The following TBX4 variants were observed in gnomAD, a reference collection of about 807,000 sequenced individuals.
TBX4 encodes T-box transcription factor 4.
TBX4 carries 13 observed loss-of-function variants against 54.6 expected under a neutral mutation model. The observed-to-expected ratio is 0.24, with a 90% CI of 0.15 to 0.38. The LOEUF is 0.38. Ranked by LOEUF, TBX4 falls within the 10% of genes least tolerant of loss-of-function variation. The pLI is 1.00. For missense variants in TBX4, 631 were observed against 728.5 expected, an observed-to-expected ratio of 0.87 and a Z score of 1.54; for synonymous variants, 314 against 306.7, an observed-to-expected ratio of 1.02 and a Z score of -0.25.
intron 5 of TBX4, among the ~76,000 whole-genome samples, chr17:61,473,250 C>G (rs976529637): frequency 2.6e-5 from 4 of 152,202 alleles, no homozygotes; most frequent in African/African-American, 9.7e-5. Flanking sequence ...ATAAATGCAG[C>G]CTTTCTTTCA....
At position 61,482,584 on chromosome 17, in the gene TBX4, C is replaced by T. The variant is rs371899164; in HGVS notation, c.1022-313C>T. On this transcript the variant is annotated intron_variant, in intron 8 of 8. Coordinates refer to ENST00000644296, the MANE Select transcript of TBX4 (RefSeq NM_001321120.2). ...CTAGCCTGAGAATGCCACTGCACAT[C>T]AGGGCCTCTCACTCTGCAAGAGTCA... 1.1e-4 allele frequency among the ~76,000 whole-genome samples: 17 copies of T among 152,204 alleles called. No individual in the cohort carries two copies. The East Asian group carries it at 2.1e-3, about 19-fold the overall frequency.
chr17:61,471,916 T>A (rs915617088), intron 5 of TBX4, among the ~76,000 whole-genome samples: 51 of 146,808 alleles, frequency 3.5e-4, no homozygotes, highest in Admixed American at 1.4e-3. Context: ...TTTTTTTTTT[T>A]TTTTTTTAGT....
chr17:61,462,648 C>A lies in TBX4; in HGVS notation c.282-3171C>A, dbSNP rs2060504882. Among the ~76,000 whole-genome samples, 1 of 152,204 alleles carries A rather than the reference C, an allele frequency of 6.6e-6. No homozygotes were observed. The highest frequency in any genetic ancestry group is 1.5e-5 in the Non-Finnish European group (1 of 68,032). On this transcript the variant is annotated intron_variant, in intron 3 of 8. Transcript: ENST00000644296. The surrounding 1 kb of genome is among the most constrained non-coding windows in gnomAD (Gnocchi z 4.5). ...GGACAGGCGGGCTTCACCGCCAGCG[C>A]TGGTGGCAGGGCCTGCGTGGACACA... is the stretch of plus-strand genomic sequence containing the variant.
rs901579289 is a variant in TBX4, at chr17:61,457,120, C to T, written c.187-417C>T. Among the ~76,000 whole-genome samples the T allele has an allele frequency of 2.1e-4, 32 of 152,196 alleles. No homozygotes were observed. Among genetic ancestry groups the T allele is most frequent in the South Asian group, 2.1e-4 (1 of 4,832 alleles). On this transcript the variant is annotated intron_variant, in intron 2 of 8. Transcript: ENST00000644296. This position sits in a 1 kb window ranked among gnomAD's most constrained non-coding sequence, Gnocchi z 8.2. ...CGAGGGCTTCACAGTGATAATCGGA[C>T]GATCACAGCGCACGGGATGCCGCCT...
chr17:61,456,580 C>G lies in TBX4; in HGVS notation c.90C>G (p.Pro30=). The G allele has an allele frequency of 1.3e-5, 20 of 1,535,208 alleles. No homozygotes were observed. Among genetic ancestry groups the G allele is most frequent in the Non-Finnish European group, 1.8e-5 (20 of 1,140,042 alleles). The stretch of plus-strand genomic sequence containing the variant: ...GAGAGGCCAGCGCAGCCAACGCCCC[C>G]GAGCCCGCGCTGGCAGCGCCGGGCC... The part of the protein sequence containing the change: ...ALGEASAANA[P]EPALAAPGLS... The change falls in exon 2 of 9, where the codon CCC becomes CCG. Residue 30 remains proline (P), a synonymous_variant. Coordinates refer to ENST00000644296, the MANE Select transcript of TBX4 (RefSeq NM_001321120.2).
At position 61,465,672 on chromosome 17, in the gene TBX4, T is replaced by A; in HGVS notation, c.282-147T>A. The A allele has an allele frequency of 2.9e-6, 3 of 1,032,458 alleles. No individual in the cohort carries two copies. Among genetic ancestry groups the A allele is most frequent in the Non-Finnish European group, 4.4e-6 (3 of 676,702 alleles). The allele number at this position is 1,032,458 out of a possible 1,614,324, so 64.0% of individuals were successfully genotyped here. A position where few individuals can be genotyped will look rare whatever the true frequency, so the allele number is the denominator to read the frequency against. ...AGCTCGGGCAGAGGGGGAAGTGAGT[T>A]GTGCAGGTCACACAGCTGTGACCAA... On this transcript the variant is annotated intron_variant, in intron 3 of 8. Coordinates refer to ENST00000644296, the MANE Select transcript of TBX4 (RefSeq NM_001321120.2). This position sits in a 1 kb window ranked among gnomAD's most constrained non-coding sequence, Gnocchi z 4.9.
intron 1 of TBX4, among the ~76,000 whole-genome samples, chr17:61,454,862 C>T (rs1275211926): frequency 6.6e-6 from 1 of 152,240 alleles, no homozygotes; most frequent in African/African-American, 2.4e-5. Context: ...CTTGCGACCC[C>T]GCAGGCCGCC....
intron 5 of TBX4, among the ~76,000 whole-genome samples, chr17:61,477,242 A>G (rs1425828252): frequency 6.6e-6 from 1 of 152,234 alleles, no homozygotes; most frequent in Non-Finnish European, 1.5e-5. Context: ...CCTGCCTTCA[A>G]TGGGGAGGGC....
At chr17:61,470,429 T>C (rs949378345) in intron 5 of TBX4, among the ~76,000 whole-genome samples, 9 of 152,218 alleles carry the variant, frequency 5.9e-5, no homozygotes, top group East Asian at 1.9e-4. Context: ...CCTGGTAGCC[T>C]GTCCTGTATG....
intron 5 of TBX4, among the ~76,000 whole-genome samples, chr17:61,469,983 C>T (rs1423948745): frequency 6.6e-6 from 1 of 152,212 alleles, no homozygotes; most frequent in East Asian, 1.9e-4. Context: ...TTTCTCCAGC[C>T]ACATGGGCTT....
At position 61,475,418 on chromosome 17, in the gene TBX4, A is replaced by C. The variant is rs536434744; in HGVS notation, c.550-3209A>C. 6.6e-6 allele frequency among the ~76,000 whole-genome samples: 1 copy of C among 152,314 alleles called. No individual in the cohort carries two copies. Among genetic ancestry groups the C allele is most frequent in the Admixed American group, 6.5e-5 (1 of 15,304 alleles). On this transcript the variant is annotated intron_variant, in intron 5 of 8. Transcript: ENST00000644296. The surrounding 1 kb of genome is among the most constrained non-coding windows in gnomAD (Gnocchi z 5.0). ...ATGCACATCTTCCTGAATTTCCCAGAAGGTTCTGAGCAGGGGAGTGAACTG... is the reference window on the plus strand; with the variant it reads ...ATGCACATCTTCCTGAATTTCCCAGCAGGTTCTGAGCAGGGGAGTGAACTG...
At chr17:61,454,845 G>GC (rs1257886449) in intron 1 of TBX4, among the ~76,000 whole-genome samples, 1 of 152,234 alleles carries the variant, frequency 6.6e-6, no homozygotes, top group Admixed American at 6.5e-5. Flanking sequence ...GCGCGAGACG[G>GC]CCCCTCCTTG....
chr17:61,455,063 A>G (rs2060436957), intron 1 of TBX4, among the ~76,000 whole-genome samples: 2 of 152,150 alleles, frequency 1.3e-5, no homozygotes, highest in African/African-American at 4.8e-5. Flanking sequence ...GGCGCTGGCC[A>G]TGTCCAGCGA....
rs557717155 is a variant in TBX4, at chr17:61,482,678, TC to T, written c.1022-214del. 1.7e-3 allele frequency among the ~76,000 whole-genome samples: 252 copies of T among 152,186 alleles called. 2 individuals carry two copies. The highest frequency in any genetic ancestry group is 5.7e-3 in the African/African-American group (235 of 41,522). On this transcript the variant is annotated intron_variant, in intron 8 of 8. Transcript: ENST00000644296. ...GCCCTCAGTGTCCGGTGATGTGGTG[TC>T]CCCCGTGGCCTCTGAGTAGGGTCCG... is the stretch of plus-strand genomic sequence containing the variant.
In TBX4 at chr17:61,474,919, C is replaced by T. The variant is rs1217864700; in HGVS notation, c.550-3708C>T. Among the ~76,000 whole-genome samples, 1 of 152,200 alleles carries T rather than the reference C, an allele frequency of 6.6e-6. No homozygotes were observed. The highest frequency in any genetic ancestry group is 1.5e-5 in the Non-Finnish European group (1 of 68,050). On this transcript the variant is annotated intron_variant, in intron 5 of 8. Coordinates refer to ENST00000644296, the MANE Select transcript of TBX4 (RefSeq NM_001321120.2). The surrounding 1 kb of genome is among the most constrained non-coding windows in gnomAD (Gnocchi z 4.6). Reference sequence around the variant, plus strand: ...TTTCTTCCAGATACCTGTCCAGGTTCTAGACTGTCGGAGTCAGAAGGGGTG... The same window carrying T: ...TTTCTTCCAGATACCTGTCCAGGTTTTAGACTGTCGGAGTCAGAAGGGGTG...
rs771639735 is a variant in TBX4 at position 61,456,533 on chromosome 17, C to T, written c.43C>T (p.Arg15Trp). ...KGLSESEEAF[R>W]APGPALGEAS... ...CCTGTCCGAGAGCGAGGAGGCCTTC[C>T]GGGCCCCGGGCCCAGCGCTCGGAGA... The change falls in exon 2 of 9, where the codon CGG becomes TGG. Residue 15 changes from arginine to tryptophan, a missense_variant. Arg to Trp is a moderately radical substitution (Grantham distance 101, BLOSUM62 -3). Transcript: ENST00000644296. The T allele has an allele frequency of 1.3e-6, 2 of 1,559,432 alleles. No homozygotes were observed. Among genetic ancestry groups the T allele is most frequent in the South Asian group, 1.2e-5 (1 of 84,576 alleles).
At position 61,472,833 on chromosome 17, in the gene TBX4, A is replaced by G. The variant is rs182252516; in HGVS notation, c.549+5176A>G. Among the ~76,000 whole-genome samples the G allele has an allele frequency of 6.7e-6, 1 of 149,810 alleles. No homozygotes were observed. The highest frequency in any genetic ancestry group is 6.7e-5 in the Admixed American group (1 of 15,016). Reference sequence around the variant, plus strand: ...AGAGCTATCCAGTTGTCCCAGCATCACTAATTGAGTTGTCCCCTTTCCTCC... The same window carrying G: ...AGAGCTATCCAGTTGTCCCAGCATCGCTAATTGAGTTGTCCCCTTTCCTCC... On this transcript the variant is annotated intron_variant, in intron 5 of 8. Transcript: ENST00000644296. This position sits in a 1 kb window ranked among gnomAD's most constrained non-coding sequence, Gnocchi z 4.5.
intron 3 of TBX4, among the ~76,000 whole-genome samples, chr17:61,463,686 G>A (rs1300290038): frequency 6.6e-6 from 1 of 152,250 alleles, no homozygotes; most frequent in African/African-American, 2.4e-5. Context: ...GGCCCTGGAG[G>A]GAAGCCATGG....
Position 61,476,103 on chromosome 17 carries a change from G to C in TBX4, c.550-2524G>C, listed in dbSNP as rs2060618423. On this transcript the variant is annotated intron_variant, in intron 5 of 8. Transcript: ENST00000644296. The surrounding 1 kb of genome is among the most constrained non-coding windows in gnomAD (Gnocchi z 6.5). ...TGTCTGGGGGCAAAGGAGCCTGGAG[G>C]TACAAAAGGATAAAAGGTATAGCCC... Among the ~76,000 whole-genome samples the C allele has an allele frequency of 6.6e-6, 1 of 152,136 alleles. No individual in the cohort carries two copies. The highest frequency in any genetic ancestry group is 2.4e-5 in the African/African-American group (1 of 41,420).
Sources: gnomAD v4.1 joint callset for allele counts (sites outside exome capture counted in the v4.1 genomes callset) on GRCh38, gnomAD v4.1.1 for gene constraint, Gnocchi (gnomAD v3.1) non-coding constraint, MANE v1.5 for transcripts, NCBI Gene and HGNC (gene_info 2026-07-23, HGNC 2026-07-21) for gene names.